Variants in RPL23 observed in about 807,000 individuals in gnomAD.
RPL23 encodes the protein large ribosomal subunit protein uL14.
For missense variants in RPL23, 79 were observed against 178.8 expected (o/e 0.44, Z 3.18); for synonymous variants, 63 against 65.3 (o/e 0.97, Z 0.17).
intron 2 of RPL23, 24 bp from the exon 3 acceptor site, chr17:38,852,756 T>TA (rs1185734298): frequency 1.9e-6 from 3 of 1,613,642 alleles, no homozygotes; most frequent in Non-Finnish European, 2.5e-6. Flanking sequence ...TAAATAAAAA[T>TA]AAAAAATGTT....
rs749507951 is a variant in RPL23, at chr17:38,848,107, A to T, written c.*2025T>A. 48 of 1,500,854 alleles carry T rather than the reference A, an allele frequency of 3.2e-5. No individual in the cohort carries two copies. The highest frequency in any genetic ancestry group is 4.2e-5 in the Non-Finnish European group (47 of 1,126,068). 93.0% of individuals were successfully genotyped at this position (1,500,854 alleles called of 1,614,324 possible). The stretch of plus-strand genomic sequence containing the variant: ...AAAACAGCAGCGATTAGTGGTTAAT[A>T]TATAAGGATCATATATTGCCATAAT... On this transcript the variant is annotated 3_prime_UTR_variant, in exon 5 of 5. Coordinates refer to ENST00000479035, the MANE Select transcript of RPL23 (RefSeq NM_000978.4).
rs1912947469 is a variant in RPL23 at position 38,849,660 on chromosome 17, G to A, written c.*472C>T. 1.3e-5 allele frequency: 2 copies of A among 153,116 alleles called. No homozygotes were observed. The highest frequency in any genetic ancestry group is 4.8e-5 in the African/African-American group (2 of 41,412). The allele number at this position is 153,116 out of a possible 1,614,324, so 9.5% of individuals were successfully genotyped here. On this transcript the variant is annotated 3_prime_UTR_variant, in exon 5 of 5. Transcript: ENST00000479035. ...CATTTGAATGCCTTCCTCACTCCAG[G>A]AGAAGCTACCATGTATAGCCAGTCA... is the stretch of plus-strand genomic sequence containing the variant.
At chr17:38,850,633 T>G (rs986481280) in intron 3 of RPL23, 158 bp from the exon 4 acceptor site, 12 of 599,532 alleles carry the variant, frequency 2.0e-5, no homozygotes, top group Admixed American at 1.5e-4. Context: ...GCCTCTCTAG[T>G]ATCTTGGACT....
rs1567685674 is a variant in RPL23 at position 38,848,215 on chromosome 17, G to GT, written c.*1916dup. The GT allele has an allele frequency of 3.7e-6, 3 of 813,628 alleles. No individual in the cohort carries two copies. The East Asian group carries it at 1.0e-4, about 27-fold the overall frequency. The allele number at this position is 813,628 out of a possible 1,614,324, so 50.4% of individuals were successfully genotyped here. On this transcript the variant is annotated 3_prime_UTR_variant, in exon 5 of 5. Coordinates refer to ENST00000479035, the MANE Select transcript of RPL23 (RefSeq NM_000978.4). ...TGACCATACTCAGGGATGTTATGGTGTAACTCTCTAAAACTAGAGATTTAA... is the reference window on the plus strand; with the variant it reads ...TGACCATACTCAGGGATGTTATGGTGTTAACTCTCTAAAACTAGAGATTTAA...
Position 38,849,676 on chromosome 17 carries a change from T to C in RPL23, c.*456A>G, listed in dbSNP as rs540048677. On this transcript the variant is annotated 3_prime_UTR_variant, in exon 5 of 5. Coordinates refer to ENST00000479035, the MANE Select transcript of RPL23 (RefSeq NM_000978.4). ...TCACTCCAGGAGAAGCTACCATGTA[T>C]AGCCAGTCATTGAGCAGTATCTACT... 6.5e-6 allele frequency: 1 copy of C among 154,450 alleles called. No homozygotes were observed. Among genetic ancestry groups the C allele is most frequent in the East Asian group, 1.9e-4 (1 of 5,210 alleles). The allele number at this position is 154,450 out of a possible 1,614,324, so 9.6% of individuals were successfully genotyped here. A position where few individuals can be genotyped will look rare whatever the true frequency, so the allele number is the denominator to read the frequency against.
chr17:38,852,163 AGTGAACAGATAT>A (rs1913019820), intron 3 of RPL23: 1 of 161,988 alleles, frequency 6.2e-6, no homozygotes, highest in South Asian at 1.5e-4. Context: ...TGGAGGTTGC[AGTGAACAGATAT>A]GTGCCACTGC....
intron 3 of RPL23, chr17:38,851,204 A>T (rs1033591776): frequency 2.0e-5 from 3 of 152,240 alleles, no homozygotes; most frequent in Non-Finnish European, 4.4e-5. Context: ...CTTCACTGAT[A>T]CTAGCATGGG....
rs1912900087 is a variant in RPL23 at position 38,847,914 on chromosome 17, AAAATGTGAGGTGGGATGCAGTGGCT to A, written c.*2193_*2217del. The A allele has an allele frequency of 6.6e-7, 1 of 1,511,126 alleles. No individual in the cohort carries two copies. Among genetic ancestry groups the A allele is most frequent in the Non-Finnish European group, 8.8e-7 (1 of 1,132,108 alleles). The allele number at this position is 1,511,126 out of a possible 1,614,324, so 93.6% of individuals were successfully genotyped here. A position where few individuals can be genotyped will look rare whatever the true frequency, so the allele number is the denominator to read the frequency against. ...AAGTCAAAAAAAATCTCCAAAGAAT[AAAATGTGAGGTGGGATGCAGTGGCT>A]CACACTTGTAATTGCAGCCCTTTGA... On this transcript the variant is annotated 3_prime_UTR_variant, in exon 5 of 5. Transcript: ENST00000479035.
chr17:38,852,856 A>C (rs557837476), intron 2 of RPL23, 124 bp from the exon 3 acceptor site: 3 of 1,463,240 alleles, frequency 2.1e-6, no homozygotes, highest in Non-Finnish European at 2.9e-6. Context: ...GTTAGTCCGC[A>C]AGAACGCCTT....
chr17:38,853,319 C>A (rs1029170067), intron 1 of RPL23: 19 of 655,164 alleles, frequency 2.9e-5, no homozygotes, highest in African/African-American at 2.9e-4. Context: ...ACTCTGACAT[C>A]GAAATTAAGA....
Position 38,848,161 on chromosome 17 carries a change from G to T in RPL23, c.*1971C>A. The T allele has an allele frequency of 7.8e-7, 1 of 1,277,212 alleles. No individual in the cohort carries two copies. Among genetic ancestry groups the T allele is most frequent in the Non-Finnish European group, 1.0e-6 (1 of 989,858 alleles). The allele number at this position is 1,277,212 out of a possible 1,614,324, so 79.1% of individuals were successfully genotyped here. On this transcript the variant is annotated 3_prime_UTR_variant, in exon 5 of 5. Coordinates refer to ENST00000479035, the MANE Select transcript of RPL23 (RefSeq NM_000978.4). ...TAAAGACATAAATGGTGGGCCTAGG[G>T]GCTTGTCACACTAAAGCTGACTTGA...
chr17:38,850,345 C>G lies in RPL23; in HGVS notation c.340+17G>C, dbSNP rs756403441. 6.2e-7 allele frequency: 1 copy of G among 1,603,354 alleles called. No individual in the cohort carries two copies. On this transcript the variant is annotated intron_variant, in intron 4 of 4. Transcript: ENST00000479035. ...CAACCTCAGAGACCTAAGGAACAAG[C>G]TGGACTGATTTCCTACCTTTCATCT...
rs535059233 is a variant in RPL23, at chr17:38,852,563, C to A, written c.226+41G>T. On this transcript the variant is annotated intron_variant, in intron 3 of 4. Coordinates refer to ENST00000479035, the MANE Select transcript of RPL23 (RefSeq NM_000978.4). ...TTTCCAATAAAGGAAAGCGTCCCCC[C>A]ACTACTCATCAGTATTAAGGTGGGC... 2.0e-5 allele frequency: 32 copies of A among 1,608,786 alleles called. No homozygotes were observed. The South Asian group carries it at 2.5e-4, about 13-fold the overall frequency.
chr17:38,850,221 T>TA lies in RPL23; in HGVS notation c.341-8dup, dbSNP rs769642481. ...GGTCCTGTAATGGCAGAACCTGCAT[T>TA]AAAAAAATAAAATAAAATAAAATAA... On this transcript the variant is annotated splice_region_variant and splice_polypyrimidine_tract_variant and intron_variant, in intron 4 of 4. Coordinates refer to ENST00000479035, the MANE Select transcript of RPL23 (RefSeq NM_000978.4). The TA allele has an allele frequency of 1.9e-6, 3 of 1,583,122 alleles. No individual in the cohort carries two copies. The highest frequency in any genetic ancestry group is 1.8e-5 in the Admixed American group (1 of 54,692).
intron 3 of RPL23, chr17:38,850,695 G>T: frequency 2.2e-6 from 1 of 444,696 alleles, no homozygotes. Flanking sequence ...ATAGAGACAG[G>T]GTTTTGCCAT....
rs1441357806 is a variant in RPL23 at position 38,849,332 on chromosome 17, T to C, written c.*800A>G. ...CCAGGATCTAACTATATAGTCTATCTTAACTTCAATGCCTTTTTTTGGGGC... is the reference window on the plus strand; with the variant it reads ...CCAGGATCTAACTATATAGTCTATCCTAACTTCAATGCCTTTTTTTGGGGC... On this transcript the variant is annotated 3_prime_UTR_variant, in exon 5 of 5. Coordinates refer to ENST00000479035, the MANE Select transcript of RPL23 (RefSeq NM_000978.4). 1 of 151,128 alleles carries C rather than the reference T, an allele frequency of 6.6e-6. No individual in the cohort carries two copies. Among genetic ancestry groups the C allele is most frequent in the Non-Finnish European group, 1.5e-5 (1 of 67,902 alleles). The allele number at this position is 151,128 out of a possible 1,614,324, so 9.4% of individuals were successfully genotyped here.
At chr17:38,852,896 A>C (rs763362461) in intron 2 of RPL23, 126 bp downstream of exon 2, 1 of 1,345,562 alleles carries the variant, frequency 7.4e-7, no homozygotes, top group Non-Finnish European at 1.1e-6. Context: ...CAAACAACAC[A>C]TGTTGCCACT....
At chr17:38,852,365 A>T (rs745729839) in intron 3 of RPL23, 23 of 496,336 alleles carry the variant, frequency 4.6e-5, no homozygotes, top group Non-Finnish European at 7.1e-5. Flanking sequence ...GAGAGACTCC[A>T]TCTCAAAAAA....
intron 3 of RPL23, chr17:38,852,355 G>A (rs1598093321): frequency 2.1e-6 from 1 of 471,472 alleles, no homozygotes; most frequent in Non-Finnish European, 3.8e-6. Context: ...GGGCGACAGA[G>A]AGAGACTCCA....
Sources: gnomAD v4.1 joint callset for allele counts on GRCh38, gnomAD v4.1.1 for gene constraint, MANE v1.5 for transcripts, NCBI Gene and HGNC (gene_info 2026-07-23, HGNC 2026-07-21) for gene names.